Variants in MCM9 observed in about 807,000 individuals in gnomAD.
The protein encoded by MCM9 is minichromosome maintenance 9 homologous recombination repair factor.
MCM9 carries 55 observed loss-of-function variants against 72.8 expected under a neutral mutation model. The observed-to-expected ratio is 0.76, with a 90% CI of 0.61 to 0.95. The LOEUF (loss-of-function observed/expected upper bound fraction) is 0.95, where lower values mean the gene tolerates loss of function less well. Ranked by LOEUF, MCM9 falls within the 40% of genes least tolerant of loss-of-function variation. The pLI is 0.00. For missense variants in MCM9, 1,279 were observed against 1,377.0 expected, an observed-to-expected ratio of 0.93 and a Z score of 1.13; for synonymous variants, 480 against 503.4, an observed-to-expected ratio of 0.95 and a Z score of 0.62.
chr6:118,913,681 C>T (rs181903393), intron 6 of MCM9, among the ~76,000 whole-genome samples: 11 of 152,264 alleles, frequency 7.2e-5, no homozygotes, highest in Admixed American at 7.2e-4. Flanking sequence ...CTCATTGCAG[C>T]CTCAAACTCC....
At chr6:118,878,593 G>T (rs1010720545) in intron 8 of MCM9, among the ~76,000 whole-genome samples, 1 of 152,002 alleles carries the variant, frequency 6.6e-6, no homozygotes, top group African/African-American at 2.4e-5. Flanking sequence ...GAATTACATT[G>T]TAACAAATTT....
chr6:118,906,889 C>T (rs1780217775), intron 8 of MCM9, among the ~76,000 whole-genome samples: 1 of 152,114 alleles, frequency 6.6e-6, no homozygotes. Context: ...CCTTGTTGTA[C>T]CTTCCATTGA....
chr6:118,876,171 G>A (rs535498577), intron 8 of MCM9, among the ~76,000 whole-genome samples: 26 of 152,210 alleles, frequency 1.7e-4, no homozygotes, highest in East Asian at 5.8e-4. Context: ...TTACATTCTC[G>A]AAAAAGTAAA....
chr6:118,885,016 G>A (rs1411138633), intron 8 of MCM9, among the ~76,000 whole-genome samples: 1 of 152,066 alleles, frequency 6.6e-6, no homozygotes, highest in African/African-American at 2.4e-5. Flanking sequence ...CTAACATGGT[G>A]AAACCCCATC....
intron 8 of MCM9, among the ~76,000 whole-genome samples, chr6:118,883,564 A>G (rs1485705422): frequency 6.6e-6 from 1 of 152,170 alleles, no homozygotes; most frequent in Admixed American, 6.5e-5. Flanking sequence ...AACTGAAGAT[A>G]AAGAGAAAAT....
At chr6:118,905,955 A>G (rs572413956) in intron 8 of MCM9, 2 of 612,908 alleles carry the variant, frequency 3.3e-6, no homozygotes, top group South Asian at 2.6e-5. Flanking sequence ...CCTTATGCCA[A>G]CTGGGCAAAC....
rs1039161780 is a variant in MCM9, at chr6:118,826,856, G to A, written c.1741C>T (p.Arg581Cys). The A allele has an allele frequency of 5.2e-6, 8 of 1,549,712 alleles. No homozygotes were observed. Among genetic ancestry groups the A allele is most frequent in the Non-Finnish European group, 1.7e-6 (2 of 1,146,728 alleles). The stretch of plus-strand genomic sequence containing the variant: ...GTTACAGTATCACGAAACATCAGGC[G>A]AGCATGAGCTAAGAAAACAAAACAC... ...SLIRLAEAHA[R>C]LMFRDTVTLE... Residue 581 changes from arginine to cysteine, a missense_variant, in exon 12 of 14, where the codon CGC becomes TGC. Physicochemically the swap from Arg to Cys is radical, Grantham distance 180. Transcript: ENST00000619706.
At chr6:118,925,826 T>C (rs768855544) in intron 3 of MCM9, among the ~76,000 whole-genome samples, 19 of 152,286 alleles carry the variant, frequency 1.2e-4, no homozygotes, top group African/African-American at 3.4e-4. Flanking sequence ...TGGCCTTAAC[T>C]GGAATATATA....
At chr6:118,838,827 G>C (rs933797127) in intron 9 of MCM9, among the ~76,000 whole-genome samples, 7 of 152,130 alleles carry the variant, frequency 4.6e-5, no homozygotes, top group African/African-American at 1.7e-4. Context: ...TCCCTTTGTG[G>C]GTAACCCGGC....
chr6:118,912,037 G>T, intron 7 of MCM9: 1 of 219,858 alleles, frequency 4.5e-6, no homozygotes, highest in Non-Finnish European at 8.9e-6. Context: ...AAATATCTGG[G>T]GCCAGGTGCG....
At chr6:118,923,029 CA>C (rs780562520) in intron 4 of MCM9, among the ~76,000 whole-genome samples, 4,438 of 43,568 alleles carry the variant, frequency 0.1, 40 homozygotes, top group East Asian at 0.24. Flanking sequence ...AACTCCATCT[CA>C]AAAAAAAAAA....
intron 8 of MCM9, chr6:118,894,449 G>T: frequency 3.3e-6 from 5 of 1,537,154 alleles, no homozygotes; most frequent in Non-Finnish European, 4.4e-6. Flanking sequence ...TAGTGGTGCT[G>T]GATAACCCTT....
At chr6:118,910,504 C>G (rs1247371728) in intron 8 of MCM9, 1 of 525,812 alleles carries the variant, frequency 1.9e-6, no homozygotes, top group Non-Finnish European at 2.4e-6. Flanking sequence ...TTTCAAACTG[C>G]CCAAATACTC....
intron 8 of MCM9, among the ~76,000 whole-genome samples, chr6:118,889,153 C>A (rs1778791327): frequency 6.6e-6 from 1 of 152,208 alleles, no homozygotes; most frequent in Non-Finnish European, 1.5e-5. Context: ...GAGGTGGATT[C>A]TTTGCATGCC....
At chr6:118,904,352 A>G (rs1191850493) in intron 8 of MCM9, among the ~76,000 whole-genome samples, 1 of 152,192 alleles carries the variant, frequency 6.6e-6, no homozygotes, top group Non-Finnish European at 1.5e-5. Flanking sequence ...TACAGTAAAC[A>G]ACAGTCTTCA....
At chr6:118,927,936 C>T (rs1386026873) in intron 3 of MCM9, among the ~76,000 whole-genome samples, 1 of 152,172 alleles carries the variant, frequency 6.6e-6, no homozygotes, top group Admixed American at 6.5e-5. Context: ...CCATGGCTTG[C>T]CACAGATCTA....
chr6:118,853,237 T>C (rs1452427465), intron 9 of MCM9, among the ~76,000 whole-genome samples: 2 of 152,212 alleles, frequency 1.3e-5, no homozygotes, highest in African/African-American at 4.8e-5. Flanking sequence ...ATTGACATTA[T>C]CTGTGGGTCT....
At chr6:118,932,505 T>C (rs1211567700) in intron 2 of MCM9, 102 bp downstream of exon 2, 1 of 687,024 alleles carries the variant, frequency 1.5e-6, no homozygotes, top group Non-Finnish European at 1.8e-6. Context: ...TGGTTCTAGC[T>C]TTTGTTTATA....
In MCM9 at chr6:118,843,690, A is replaced by ATATATATGTG. The variant is rs1562407220; in HGVS notation, c.1325+12680_1325+12681insCACATATATA. On this transcript the variant is annotated intron_variant, in intron 9 of 13. Coordinates refer to ENST00000619706, the MANE Select transcript of MCM9 (RefSeq NM_017696.3). ...TATATGTATGTATATATATATGTGT[A>ATATATATGTG]TATATATATATATGTATGTATATAT... Among the ~76,000 whole-genome samples the ATATATATGTG allele has an allele frequency of 8.4e-4, 25 of 29,930 alleles. 1 individual carries two copies. Among genetic ancestry groups the ATATATATGTG allele is most frequent in the Admixed American group, 6.3e-3 (15 of 2,396 alleles). The allele number at this position is 29,930 out of a possible 152,430, so 19.6% of individuals were successfully genotyped here. A position where few individuals can be genotyped will look rare whatever the true frequency, so the allele number is the denominator to read the frequency against.
Sources: allele counts gnomAD v4.1 joint callset (sites outside exome capture counted in the v4.1 genomes callset), GRCh38; gene constraint gnomAD v4.1.1; transcripts MANE v1.5; gene names NCBI Gene and HGNC (gene_info 2026-07-23, HGNC 2026-07-21).